Variants in REEP3 observed in about 807,000 individuals in gnomAD.
The protein encoded by REEP3 is receptor expression-enhancing protein 3.
REEP3 carries 20 observed loss-of-function variants against 41.3 expected under a neutral mutation model. The ratio of observed to expected loss-of-function variants is 0.48; its 90% CI spans 0.34 to 0.70. The LOEUF (loss-of-function observed/expected upper bound fraction) is 0.70. Among genes scored for constraint, REEP3 ranks in the 30% least tolerant of loss-of-function variants. The pLI, the probability that REEP3 is intolerant of heterozygous loss-of-function variation, is 0.01. For missense variants in REEP3, 271 were observed against 308.8 expected, an observed-to-expected ratio of 0.88 and a Z score of 0.92; for synonymous variants, 104 against 101.8, an observed-to-expected ratio of 1.02 and a Z score of -0.13.
chr10:63,618,237 C>CTTT (rs60115766), intron 6 of REEP3, among the ~76,000 whole-genome samples: 685 of 66,604 alleles, frequency 0.01, 71 homozygotes, highest in Non-Finnish European at 0.016. Flanking sequence ...TTTCCTTCTT[C>CTTT]TTTTTTTTTT....
At chr10:63,547,212 G>A (rs1955587661) in intron 1 of REEP3, among the ~76,000 whole-genome samples, 1 of 152,130 alleles carries the variant, frequency 6.6e-6, no homozygotes, top group African/African-American at 2.4e-5. Context: ...GAGCCACCAT[G>A]CCTGGCCAAT....
In REEP3 at chr10:63,598,114, C is replaced by G; in HGVS notation, c.273C>G (p.Phe91Leu). ...GAGCAAGTTTAATATATAGAAAATTCCTTCATCCACTTCTTTCTTCAAAGG... is the reference window on the plus strand; with the variant it reads ...GAGCAAGTTTAATATATAGAAAATTGCTTCATCCACTTCTTTCTTCAAAGG... ...TKGASLIYRK[F>L]LHPLLSSKER... The change falls in exon 4 of 8, where the codon TTC (phenylalanine) becomes TTG (leucine). Residue 91 changes from phenylalanine to leucine, a missense_variant. Phe to Leu is a conservative substitution (Grantham distance 22, BLOSUM62 0). Coordinates refer to ENST00000373758, the MANE Select transcript of REEP3 (RefSeq NM_001001330.3). The G allele has an allele frequency of 6.3e-7, 1 of 1,588,224 alleles. No homozygotes were observed. The highest frequency in any genetic ancestry group is 8.6e-7 in the Non-Finnish European group (1 of 1,157,232).
At chr10:63,570,804 A>G (rs1337944051) in intron 2 of REEP3, among the ~76,000 whole-genome samples, 4 of 152,160 alleles carry the variant, frequency 2.6e-5, no homozygotes, top group Non-Finnish European at 4.4e-5. Flanking sequence ...CCCAGCAACC[A>G]TATTGCCTTC....
chr10:63,560,215 T>A (rs1410805275), intron 1 of REEP3, among the ~76,000 whole-genome samples: 1 of 152,172 alleles, frequency 6.6e-6, no homozygotes, highest in Admixed American at 6.5e-5. Flanking sequence ...TTTTTCATAA[T>A]ACTTTTTAAA....
chr10:63,552,410 CAAAAA>C (rs534375085), intron 1 of REEP3, among the ~76,000 whole-genome samples: 1 of 145,828 alleles, frequency 6.9e-6, no homozygotes, highest in African/African-American at 2.5e-5. Flanking sequence ...GACTCCGTCT[CAAAAA>C]AAAAAGAAAG....
Position 63,622,630 on chromosome 10 carries a change from TA to T in REEP3, c.*1762del, listed in dbSNP as rs1554809477. The T allele has an allele frequency of 6.6e-6, 1 of 152,072 alleles. No homozygotes were observed. Among genetic ancestry groups the T allele is most frequent in the Non-Finnish European group, 1.5e-5 (1 of 68,016 alleles). The allele number at this position is 152,072 out of a possible 1,614,324, so 9.4% of individuals were successfully genotyped here. A position where few individuals can be genotyped will look rare whatever the true frequency, so the allele number is the denominator to read the frequency against. The stretch of plus-strand genomic sequence containing the variant: ...CCTTGTCTTTCCTACTCAAAGACAG[TA>T]TCATCTGAAGTTGCCTAATAAGGTC... On this transcript the variant is annotated 3_prime_UTR_variant, in exon 8 of 8. Transcript: ENST00000373758.
At chr10:63,618,676 G>A (rs1018387373) in intron 6 of REEP3, among the ~76,000 whole-genome samples, 2 of 152,260 alleles carry the variant, frequency 1.3e-5, no homozygotes, top group Middle Eastern at 3.2e-3. Context: ...GTGGACCACA[G>A]ACCATGAGCA....
intron 1 of REEP3, among the ~76,000 whole-genome samples, chr10:63,534,599 T>G (rs1021585422): frequency 1.3e-5 from 2 of 152,224 alleles, no homozygotes; most frequent in Admixed American, 6.5e-5. Flanking sequence ...TTGTTTCAAT[T>G]GGTTTCCTAT....
At chr10:63,563,013 G>A (rs555225317) in intron 1 of REEP3, 1 of 456,402 alleles carries the variant, frequency 2.2e-6, no homozygotes, top group Non-Finnish European at 4.4e-6. Flanking sequence ...AAGAGATTAG[G>A]CCACACACAC....
At chr10:63,550,652 G>A (rs998011939) in intron 1 of REEP3, among the ~76,000 whole-genome samples, 3 of 152,110 alleles carry the variant, frequency 2.0e-5, no homozygotes, top group African/African-American at 4.8e-5. Flanking sequence ...GTTAAGGATG[G>A]CAGAGATTTG....
Position 63,586,983 on chromosome 10 carries a change from TG to T in REEP3, c.106-7794del, listed in dbSNP as rs1316081821. Among the ~76,000 whole-genome samples the T allele has an allele frequency of 2.3e-3, 259 of 110,336 alleles. 1 individual carries two copies. Among genetic ancestry groups the T allele is most frequent in the African/African-American group, 9.2e-3 (254 of 27,594 alleles). 72.4% of individuals were successfully genotyped at this position (110,336 alleles called of 152,430 possible). ...GAGTTTTCCTACTGACGTTTATGCATGTTTTTTTTTTTTTTGCATTTTATTC... is the reference window on the plus strand; with the variant it reads ...GAGTTTTCCTACTGACGTTTATGCATTTTTTTTTTTTTTTGCATTTTATTC... On this transcript the variant is annotated intron_variant, in intron 2 of 7. Transcript: ENST00000373758.
intron 1 of REEP3, among the ~76,000 whole-genome samples, chr10:63,532,179 T>G (rs1261440740): frequency 6.6e-6 from 1 of 152,174 alleles, no homozygotes; most frequent in Non-Finnish European, 1.5e-5. Flanking sequence ...TCCTAACTAT[T>G]AACAGTGTCA....
At chr10:63,560,606 A>G (rs1055158497) in intron 1 of REEP3, among the ~76,000 whole-genome samples, 3 of 152,164 alleles carry the variant, frequency 2.0e-5, no homozygotes, top group Non-Finnish European at 2.9e-5. Flanking sequence ...ACAGTATCTT[A>G]TTTTGACAAA....
At chr10:63,536,429 G>C (rs569284140) in intron 1 of REEP3, among the ~76,000 whole-genome samples, 20 of 152,080 alleles carry the variant, frequency 1.3e-4, no homozygotes, top group Admixed American at 1.3e-3. Flanking sequence ...TATGTGAAAA[G>C]TATCTAAATT....
chr10:63,542,240 G>A (rs1357150871), intron 1 of REEP3, among the ~76,000 whole-genome samples: 3 of 151,904 alleles, frequency 2.0e-5, no homozygotes, highest in Non-Finnish European at 4.4e-5. Context: ...CACCATGCCT[G>A]GCTAATTTTT....
chr10:63,620,574 A>G (rs1030732261), intron 7 of REEP3, among the ~76,000 whole-genome samples: 7 of 139,832 alleles, frequency 5.0e-5, no homozygotes, highest in Middle Eastern at 6.9e-3. Context: ...TAAGCAAAAC[A>G]TAAATAATAG....
In REEP3 at chr10:63,546,048, G is replaced by T. The variant is rs192906877; in HGVS notation, c.33-20290G>T. ...CAACCGGGTGTAAACCCTAAGTCAG[G>T]TCTGTACTCATCACATGGAGGTCAA... On this transcript the variant is annotated intron_variant, in intron 1 of 7. Transcript: ENST00000373758. 5.9e-5 allele frequency among the ~76,000 whole-genome samples: 9 copies of T among 152,202 alleles called. 1 individual carries two copies. Among genetic ancestry groups the T allele is most frequent in the Admixed American group, 5.9e-4 (9 of 15,290 alleles).
At chr10:63,609,814 C>T (rs1249920864) in intron 5 of REEP3, among the ~76,000 whole-genome samples, 2 of 151,800 alleles carry the variant, frequency 1.3e-5, no homozygotes, top group African/African-American at 4.8e-5. Context: ...AAAAGTTGCC[C>T]TAAATATTAA....
Position 63,589,068 on chromosome 10 carries a change from A to G in REEP3, c.106-5710A>G, listed in dbSNP as rs568403252. Among the ~76,000 whole-genome samples the G allele has an allele frequency of 3.3e-5, 5 of 152,282 alleles. No individual in the cohort carries two copies. The South Asian group carries it at 1.0e-3, about 32-fold the overall frequency. ...GTAGATACACAGGGCTTTCCAGGCT[A>G]TAGTAAGCAATGATTGGGAACCATG... On this transcript the variant is annotated intron_variant, in intron 2 of 7. Coordinates refer to ENST00000373758, the MANE Select transcript of REEP3 (RefSeq NM_001001330.3).
Sources: allele counts gnomAD v4.1 joint callset (sites outside exome capture counted in the v4.1 genomes callset), GRCh38; gene constraint gnomAD v4.1.1; transcripts MANE v1.5; gene names NCBI Gene and HGNC (gene_info 2026-07-23, HGNC 2026-07-21).